POLK: variants seen among roughly 807,000 people sequenced by gnomAD.
The protein encoded by POLK is DNA polymerase kappa.
A neutral mutation model predicts 94.0 loss-of-function variants in POLK; 76 were observed. That is an observed-to-expected ratio of 0.81 (90% CI 0.67 to 0.98). The LOEUF is 0.98. Ranked by LOEUF, POLK falls within the 50% of genes least tolerant of loss-of-function variation. The pLI is 0.00. For missense variants in POLK, 954 were observed against 1,010.1 expected (o/e 0.94, Z 0.75); for synonymous variants, 349 against 325.4 (o/e 1.07, Z -0.78).
At chr5:75,573,961 G>C in intron 5 of POLK, 92 bp downstream of exon 5, 1 of 1,305,044 alleles carries the variant, frequency 7.7e-7, no homozygotes, top group Non-Finnish European at 1.1e-6. Flanking sequence ...CGTAGGATTT[G>C]GTCTTAGCTT....
intron 3 of POLK, among the ~76,000 whole-genome samples, chr5:75,553,963 A>G (rs996234972): frequency 5.9e-5 from 9 of 152,322 alleles, no homozygotes; most frequent in South Asian, 2.1e-4. Context: ...ATATTGTTCC[A>G]TCATCCCCTG....
chr5:75,597,266 T>C (rs1384191538), intron 13 of POLK, 88 bp downstream of exon 13: 8 of 741,314 alleles, frequency 1.1e-5, no homozygotes, highest in African/African-American at 3.5e-5. Flanking sequence ...CTGAAACATA[T>C]ACTATTAAAT....
intron 3 of POLK, among the ~76,000 whole-genome samples, chr5:75,567,135 C>T (rs1240492512): frequency 6.6e-6 from 1 of 152,178 alleles, no homozygotes; most frequent in Admixed American, 6.5e-5. Context: ...GAATAGCTTG[C>T]TGAAGACATT....
chr5:75,543,909 C>T lies in POLK; in HGVS notation c.-13-3101C>T, dbSNP rs555775634. ...AGTGCAGTGGCATGACCATGGCCTACTGTAGCCTTGACCTCCCAGGCTCAA... is the reference window on the plus strand; with the variant it reads ...AGTGCAGTGGCATGACCATGGCCTATTGTAGCCTTGACCTCCCAGGCTCAA... On this transcript the variant is annotated intron_variant, in intron 1 of 14. Coordinates refer to ENST00000241436, the Ensembl canonical transcript of POLK. Among the ~76,000 whole-genome samples, 19 of 152,262 alleles carry T rather than the reference C, an allele frequency of 1.2e-4. No homozygotes were observed. In the East Asian group the frequency reaches 2.1e-3, roughly 17 times the overall value.
At chr5:75,552,705 G>T in intron 3 of POLK, 114 bp downstream of exon 3, 1 of 1,074,222 alleles carries the variant, frequency 9.3e-7, no homozygotes, top group East Asian at 2.4e-5. Context: ...TCATTATATT[G>T]TAAAGCATAC....
intron 1 of POLK, among the ~76,000 whole-genome samples, chr5:75,513,576 T>C (rs946339895): frequency 2.0e-5 from 3 of 152,200 alleles, no homozygotes; most frequent in Non-Finnish European, 1.5e-5. Context: ...CTGTTTCCTA[T>C]TGTAGAAATG....
At chr5:75,559,044 C>T (rs1770797301) in intron 3 of POLK, among the ~76,000 whole-genome samples, 1 of 152,158 alleles carries the variant, frequency 6.6e-6, no homozygotes, top group East Asian at 1.9e-4. Flanking sequence ...TGGCAGGAAA[C>T]GTGTTTTATG....
chr5:75,520,913 C>CT (rs1768547201), intron 1 of POLK, among the ~76,000 whole-genome samples: 1 of 152,132 alleles, frequency 6.6e-6, no homozygotes, highest in Admixed American at 6.5e-5. Context: ...GCAGTTGTTT[C>CT]TTTCAGCACT....
chr5:75,566,699 C>T (rs1217495383), intron 3 of POLK, among the ~76,000 whole-genome samples: 1 of 152,174 alleles, frequency 6.6e-6, no homozygotes, highest in African/African-American at 2.4e-5. Flanking sequence ...TGGCCTGCAC[C>T]CACTTTCTAA....
At chr5:75,567,231 T>C (rs1771325854) in intron 3 of POLK, among the ~76,000 whole-genome samples, 1 of 152,240 alleles carries the variant, frequency 6.6e-6, no homozygotes, top group African/African-American at 2.4e-5. Flanking sequence ...TTCTAGATGA[T>C]TCCATGTCCA....
At chr5:75,597,391 TAGCACA>T in intron 13 of POLK, 1 of 502,026 alleles carries the variant, frequency 2.0e-6, no homozygotes, top group Non-Finnish European at 3.5e-6. Context: ...GATCTTGATT[TAGCACA>T]GAATGAACTC....
rs150426523 is a variant in POLK, at chr5:75,595,679, C to G, written c.1529-543C>G. Among the ~76,000 whole-genome samples, 162 of 152,144 alleles carry G rather than the reference C, an allele frequency of 1.1e-3. 1 individual carries two copies. The East Asian group carries it at 0.027, about 25-fold the overall frequency. On this transcript the variant is annotated intron_variant, in intron 12 of 14. Coordinates refer to ENST00000241436, the Ensembl canonical transcript of POLK. ...ACGTCATTATAAATTTGTCCAGCGCCCAGGATGTATTCCAAGGGTGAACCC... is the reference window on the plus strand; with the variant it reads ...ACGTCATTATAAATTTGTCCAGCGCGCAGGATGTATTCCAAGGGTGAACCC...
intron 12 of POLK, among the ~76,000 whole-genome samples, chr5:75,595,248 G>GAAAAAAAAAAAAAAAAAAAAAAAAAA (rs58783164): frequency 4.0e-5 from 1 of 24,882 alleles, no homozygotes; most frequent in Non-Finnish European, 9.2e-5. Context: ...CTCCACCTCA[G>GAAAAAAAAAAAAAAAAAAAAAAAAAA]AAAAAAAAAA....
intron 3 of POLK, chr5:75,568,541 A>G (rs1468128729): frequency 5.3e-6 from 1 of 189,978 alleles, no homozygotes; most frequent in Non-Finnish European, 1.1e-5. Flanking sequence ...TTCTCGTTGT[A>G]AAACTAAGTT....
At chr5:75,523,895 C>T (rs370074315) in intron 1 of POLK, among the ~76,000 whole-genome samples, 4 of 151,970 alleles carry the variant, frequency 2.6e-5, no homozygotes, top group Non-Finnish European at 5.9e-5. Flanking sequence ...TTTGCGGGGC[C>T]GAGGCAGGCA....
At chr5:75,513,499 C>CA (rs1336495265) in intron 1 of POLK, among the ~76,000 whole-genome samples, 3 of 152,154 alleles carry the variant, frequency 2.0e-5, no homozygotes, top group Non-Finnish European at 2.9e-5. Flanking sequence ...AAAGTTCTAA[C>CA]ATTCGAGAAT....
chr5:75,511,223 G>A (rs773769927), upstream of POLK: 70 of 1,611,948 alleles, frequency 4.3e-5, no homozygotes, highest in South Asian at 1.4e-4. Context: ...CTCGACAACC[G>A]AGCAGGAGAC....
At chr5:75,578,300 C>T (rs532317488) in intron 6 of POLK, among the ~76,000 whole-genome samples, 78 of 152,224 alleles carry the variant, frequency 5.1e-4, no homozygotes, top group Non-Finnish European at 8.7e-4. Flanking sequence ...GGATTAGAGG[C>T]GCGTGCCACC....
At chr5:75,597,288 G>A (rs778575918) in intron 13 of POLK, 110 bp downstream of exon 13, 7 of 662,794 alleles carry the variant, frequency 1.1e-5, no homozygotes, top group Non-Finnish European at 7.9e-6. Flanking sequence ...GGTAGTTTGT[G>A]TATGCCGCCA....
Sources: gnomAD v4.1 joint callset for allele counts (sites outside exome capture counted in the v4.1 genomes callset) on GRCh38, gnomAD v4.1.1 for gene constraint, MANE v1.5 for transcripts, NCBI Gene and HGNC (gene_info 2026-07-23, HGNC 2026-07-21) for gene names.